Variants in JMJD1C observed in about 807,000 individuals in gnomAD.
The protein encoded by JMJD1C is jumonji domain-containing protein 1C.
Under a neutral mutation model 245.3 loss-of-function variants are expected in JMJD1C, and 31 were observed. The observed-to-expected ratio is 0.13, with a 90% confidence interval of 0.09 to 0.17. The LOEUF is 0.17. Among genes scored for constraint, JMJD1C ranks in the 10% least tolerant of loss-of-function variants. The pLI is 1.00. For missense variants in JMJD1C, 2,691 were observed against 3,000.2 expected (o/e 0.90, Z 2.41); for synonymous variants, 1,057 against 1,017.4 (o/e 1.04, Z -0.74).
chr10:63,423,154 G>A lies in JMJD1C; in HGVS notation c.168+42341C>T, dbSNP rs144552169. Among the ~76,000 whole-genome samples, 435 of 152,110 alleles carry A rather than the reference G, an allele frequency of 2.9e-3. 2 individuals are homozygous for A. The highest frequency in any genetic ancestry group is 3.0e-3 in the Non-Finnish European group (207 of 67,986). On this transcript the variant is annotated intron_variant, in intron 1 of 25. Transcript: ENST00000399262. ...TAATTTTTGTATTTTTCATAGAAAC[G>A]GGGTTTCACCATGTTAGCCAGGCTG...
intron 1 of JMJD1C, among the ~76,000 whole-genome samples, chr10:63,507,339 C>A (rs937142955): frequency 6.6e-6 from 1 of 152,080 alleles, no homozygotes; most frequent in Non-Finnish European, 1.5e-5. Flanking sequence ...AACTGCCAAA[C>A]CGTCTTTAAA....
intron 1 of JMJD1C, among the ~76,000 whole-genome samples, chr10:63,479,271 CTTT>C (rs199545366): frequency 7.4e-6 from 1 of 134,890 alleles, no homozygotes; most frequent in Non-Finnish European, 1.6e-5. Context: ...TATTTCTTCT[CTTT>C]TTTTTTTTTT....
At chr10:63,489,789 G>A (rs1348621593) in intron 1 of JMJD1C, among the ~76,000 whole-genome samples, 1 of 152,224 alleles carries the variant, frequency 6.6e-6, no homozygotes, top group African/African-American at 2.4e-5. Context: ...TGGGATTACA[G>A]GCGTGAGCCA....
chr10:63,521,750 C>A (rs1441618945), exon 1 of JMJD1C: 2 of 372,748 alleles, frequency 5.4e-6, no homozygotes, highest in African/African-American at 2.1e-5. Flanking sequence ...TGGTCCACGT[C>A]GCTGCGGAGC....
intron 3 of JMJD1C, among the ~76,000 whole-genome samples, chr10:63,225,050 G>A (rs1849088235): frequency 6.6e-6 from 1 of 151,420 alleles, no homozygotes; most frequent in South Asian, 2.1e-4. Flanking sequence ...GACAGAGCGA[G>A]ACTCTGTCTC....
chr10:63,430,943 C>T (rs1950709551), intron 1 of JMJD1C, among the ~76,000 whole-genome samples: 1 of 152,066 alleles, frequency 6.6e-6, no homozygotes, highest in Admixed American at 6.6e-5. Flanking sequence ...TCGATGAAGA[C>T]GAACTCCTGG....
intron 1 of JMJD1C, among the ~76,000 whole-genome samples, chr10:63,434,908 G>T: frequency 6.6e-6 from 1 of 152,142 alleles, no homozygotes; most frequent in East Asian, 1.9e-4. Flanking sequence ...AACTCACAAA[G>T]ATTTGTAATG....
rs187410484 is a variant in JMJD1C, at chr10:63,276,041, C to T, written c.334-11277G>A. On this transcript the variant is annotated intron_variant, in intron 2 of 25. Coordinates refer to ENST00000399262, the MANE Select transcript of JMJD1C (RefSeq NM_032776.3). ...TTTGTATTATAAACAATACTATGAA[C>T]GTCTTCATGCTTTTAGTAATTAAAA... 3.9e-5 allele frequency among the ~76,000 whole-genome samples: 6 copies of T among 152,148 alleles called. No homozygotes were observed. The East Asian group carries it at 1.2e-3, about 29-fold the overall frequency.
chr10:63,303,586 G>A (rs9414789), intron 2 of JMJD1C, among the ~76,000 whole-genome samples: 2,250 of 152,210 alleles, frequency 0.015, 51 homozygotes, highest in African/African-American at 0.051. Flanking sequence ...TATTACAGGC[G>A]TGATCCACCA....
At chr10:63,232,495 G>A (rs1297048666) in intron 3 of JMJD1C, among the ~76,000 whole-genome samples, 1 of 152,090 alleles carries the variant, frequency 6.6e-6, no homozygotes, top group Non-Finnish European at 1.5e-5. Flanking sequence ...AAAACCTGCA[G>A]CTTGATCCAA....
At chr10:63,455,347 A>C (rs1272212999) in intron 1 of JMJD1C, among the ~76,000 whole-genome samples, 2 of 152,210 alleles carry the variant, frequency 1.3e-5, no homozygotes, top group Non-Finnish European at 2.9e-5. Context: ...TGCACGTTAA[A>C]GCTTAACCCT....
At chr10:63,371,094 C>G (rs926857424) in intron 2 of JMJD1C, among the ~76,000 whole-genome samples, 1 of 152,050 alleles carries the variant, frequency 6.6e-6, no homozygotes, top group Non-Finnish European at 1.5e-5. Flanking sequence ...CCTCCCACCT[C>G]AACCTCCTGA....
intron 24 of JMJD1C, among the ~76,000 whole-genome samples, chr10:63,171,072 A>G (rs7089525): frequency 1 from 152,324 of 152,332 alleles, 76,158 homozygotes; most frequent in Non-Finnish European, 1. Flanking sequence ...TTGGTCATAT[A>G]AATACAGAGA....
At chr10:63,437,231 C>A (rs1951107477) in intron 1 of JMJD1C, among the ~76,000 whole-genome samples, 1 of 152,108 alleles carries the variant, frequency 6.6e-6, no homozygotes, top group South Asian at 2.1e-4. Flanking sequence ...AAATCATGAC[C>A]AATGTCAAGT....
At chr10:63,173,817 A>G (rs58219775) in intron 24 of JMJD1C, among the ~76,000 whole-genome samples, 3,240 of 128,944 alleles carry the variant, frequency 0.025, 112 homozygotes, top group African/African-American at 0.079. Context: ...GATAAAAGAC[A>G]TTATCAGAAA....
At chr10:63,339,799 A>T (rs550197854) in intron 2 of JMJD1C, among the ~76,000 whole-genome samples, 1 of 152,142 alleles carries the variant, frequency 6.6e-6, no homozygotes, top group Non-Finnish European at 1.5e-5. Context: ...GGTCTCACAA[A>T]CATTTTGTAC....
intron 1 of JMJD1C, among the ~76,000 whole-genome samples, chr10:63,385,511 C>T (rs137896389): frequency 1.4e-4 from 20 of 146,864 alleles, no homozygotes; most frequent in African/African-American, 4.8e-4. Context: ...GATCATAGCT[C>T]CCTGTAGCCT....
intron 2 of JMJD1C, among the ~76,000 whole-genome samples, chr10:63,372,083 T>A (rs1044222711): frequency 2.6e-5 from 4 of 152,234 alleles, no homozygotes; most frequent in African/African-American, 9.6e-5. Context: ...ATAAAGGTAA[T>A]CTTGTCCCAA....
At chr10:63,452,242 C>CAA (rs1221643474) in intron 1 of JMJD1C, among the ~76,000 whole-genome samples, 2 of 152,056 alleles carry the variant, frequency 1.3e-5, no homozygotes, top group African/African-American at 2.4e-5. Flanking sequence ...TATAACAAAG[C>CAA]AAAACAAAAC....
Sources: allele counts gnomAD v4.1 joint callset (sites outside exome capture counted in the v4.1 genomes callset), GRCh38; gene constraint gnomAD v4.1.1; transcripts MANE v1.5; gene names NCBI Gene and HGNC (gene_info 2026-07-23, HGNC 2026-07-21).